Variants in ROCK2 observed in about 807,000 individuals in gnomAD.
ROCK2 encodes the protein Rho associated coiled-coil containing protein kinase 2.
A neutral mutation model predicts 195.1 loss-of-function variants in ROCK2; 61 were observed. The ratio of observed to expected loss-of-function variants is 0.31; its 90% CI spans 0.25 to 0.39. The LOEUF is 0.39. Ranked by LOEUF, ROCK2 falls within the 10% of genes least tolerant of loss-of-function variation. The probability of loss-of-function intolerance (pLI) is 1.00; values close to 1 mark genes in which losing one functional copy is unlikely to be tolerated. For missense variants in ROCK2, 1,109 were observed against 1,637.4 expected (o/e 0.68, Z 5.57); for synonymous variants, 504 against 545.5 (o/e 0.92, Z 1.06).
At chr2:11,221,149 T>C (rs1327925775) in intron 9 of ROCK2, 49 bp downstream of exon 9, 7 of 1,377,228 alleles carry the variant, frequency 5.1e-6, no homozygotes, top group Non-Finnish European at 6.8e-6. Context: ...CATCATCTTA[T>C]AGCTAGATTC....
At chr2:11,287,973 T>C (rs1450359259) in intron 1 of ROCK2, among the ~76,000 whole-genome samples, 1 of 152,196 alleles carries the variant, frequency 6.6e-6, no homozygotes, top group Admixed American at 6.5e-5. Context: ...TGGAAAAATG[T>C]AATTTCAAAA....
At position 11,222,070 on chromosome 2, in the gene ROCK2, T is replaced by A. The variant is rs1213336650; in HGVS notation, c.1099+13A>T. The A allele has an allele frequency of 3.4e-6, 5 of 1,485,212 alleles. No individual in the cohort carries two copies. The highest frequency in any genetic ancestry group is 3.8e-6 in the Non-Finnish European group (4 of 1,064,150). 92.0% of individuals were successfully genotyped at this position (1,485,212 alleles called of 1,614,324 possible). A position where few individuals can be genotyped will look rare whatever the true frequency, so the allele number is the denominator to read the frequency against. ...ATGTGATGGAATGAAAATATTTAGG[T>A]TTATTGACTTACTTTCTCTTATGTT... On this transcript the variant is annotated intron_variant, in intron 8 of 32. Coordinates refer to ENST00000315872, the MANE Select transcript of ROCK2 (RefSeq NM_004850.5).
At chr2:11,317,612 A>ATATATATATATATATATTTTTTTTTTT (rs59701503) in intron 1 of ROCK2, among the ~76,000 whole-genome samples, 1 of 19,312 alleles carries the variant, frequency 5.2e-5, no homozygotes, top group Admixed American at 8.8e-4. Context: ...ATATATATAT[A>ATATATATATATATATATTTTTTTTTTT]TTTTTTTTTT....
chr2:11,211,748 C>T lies in ROCK2; in HGVS notation c.2136G>A (p.Lys712=), dbSNP rs926632144. ...TCTTATTTTTATCTGCTAGTCGTGCCTTTGTGGCCTTATGTTCAGCTTCTT... is the reference window on the plus strand; with the variant it reads ...TCTTATTTTTATCTGCTAGTCGTGCTTTTGTGGCCTTATGTTCAGCTTCTT... The part of the protein sequence containing the change: ...EQEEAEHKAT[K]ARLADKNKIY... The change falls in exon 18 of 33, where the codon AAG becomes AAA. Residue 712 remains lysine (K), a synonymous_variant. Transcript: ENST00000315872. 5.0e-6 allele frequency: 8 copies of T among 1,613,516 alleles called. No homozygotes were observed. In the African/African-American group the frequency reaches 9.4e-5, roughly 19 times the overall value.
At chr2:11,208,963 G>A (rs1664156180) in intron 18 of ROCK2, among the ~76,000 whole-genome samples, 1 of 152,166 alleles carries the variant, frequency 6.6e-6, no homozygotes, top group African/African-American at 2.4e-5. Context: ...GTGTAAAAAT[G>A]TATCACACTC....
At chr2:11,343,974 C>A (rs1434066792) in intron 1 of ROCK2, 22 bp downstream of exon 1, 2 of 1,583,834 alleles carry the variant, frequency 1.3e-6, no homozygotes, top group East Asian at 2.5e-5. Context: ...AACGAGCAAG[C>A]TCCCAGGCCC....
chr2:11,231,602 A>G (rs1665013378), intron 5 of ROCK2, among the ~76,000 whole-genome samples: 1 of 152,206 alleles, frequency 6.6e-6, no homozygotes, highest in Non-Finnish European at 1.5e-5. Context: ...TACACCCAAC[A>G]TAGCAGTAGC....
intron 4 of ROCK2, among the ~76,000 whole-genome samples, chr2:11,239,747 C>G (rs1665357626): frequency 1.3e-5 from 2 of 152,126 alleles, no homozygotes; most frequent in South Asian, 4.1e-4. Flanking sequence ...GTATGAGATC[C>G]CACAAGTGAA....
chr2:11,321,756 C>A lies in ROCK2; in HGVS notation c.141+22240G>T, dbSNP rs1474837822. ...GATCACAAGTTTTCATATACATATT[C>A]ATTCTTTGAAGCATCTTCAGTCTTA... is the stretch of plus-strand genomic sequence containing the variant. On this transcript the variant is annotated intron_variant, in intron 1 of 32. Coordinates refer to ENST00000315872, the MANE Select transcript of ROCK2 (RefSeq NM_004850.5). 2.0e-5 allele frequency among the ~76,000 whole-genome samples: 3 copies of A among 152,018 alleles called. No homozygotes were observed. The East Asian group carries it at 5.8e-4, about 30-fold the overall frequency.
intron 1 of ROCK2, among the ~76,000 whole-genome samples, chr2:11,317,576 T>TTATATATCTATATATA (rs1668237737): frequency 3.4e-4 from 10 of 29,586 alleles, no homozygotes; most frequent in African/African-American, 1.2e-3. Flanking sequence ...ATCTACACAT[T>TTATATATCTATATATA]TATATATATA....
rs368393080 is a variant in ROCK2, at chr2:11,249,873, CTAT to C, written c.325-78_325-76del. On this transcript the variant is annotated intron_variant, in intron 3 of 32. Coordinates refer to ENST00000315872, the MANE Select transcript of ROCK2 (RefSeq NM_004850.5). ...AAGGTAAATAGATGATACTATAATG[CTAT>C]TATTAAAGACTTCAGTTACAAAAAA... 7.5e-6 allele frequency: 9 copies of C among 1,205,730 alleles called. No homozygotes were observed. The East Asian group carries it at 2.5e-4, about 34-fold the overall frequency. 74.7% of individuals were successfully genotyped at this position (1,205,730 alleles called of 1,614,324 possible).
chr2:11,245,547 A>T (rs1367118724), intron 4 of ROCK2, among the ~76,000 whole-genome samples: 1 of 152,204 alleles, frequency 6.6e-6, no homozygotes, highest in Non-Finnish European at 1.5e-5. Context: ...CAAAATGTCA[A>T]ATGTGCATAC....
intron 1 of ROCK2, among the ~76,000 whole-genome samples, chr2:11,324,568 A>G (rs1283403379): frequency 6.6e-6 from 1 of 152,274 alleles, no homozygotes. Context: ...AGTATGGTAC[A>G]TCCAGACAAT....
At chr2:11,227,787 C>G (rs1039521213) in intron 5 of ROCK2, among the ~76,000 whole-genome samples, 1 of 152,044 alleles carries the variant, frequency 6.6e-6, no homozygotes, top group Non-Finnish European at 1.5e-5. Flanking sequence ...AGAAAGGAAG[C>G]TTTCATATTT....
At chr2:11,338,412 C>T (rs1668998614) in intron 1 of ROCK2, among the ~76,000 whole-genome samples, 1 of 151,586 alleles carries the variant, frequency 6.6e-6, no homozygotes, top group African/African-American at 2.4e-5. Context: ...TGAATCCAAC[C>T]ATGGATCAAA....
In ROCK2 at chr2:11,197,689, G is replaced by C; in HGVS notation, c.3116C>G (p.Ala1039Gly). The C allele has an allele frequency of 6.3e-7, 1 of 1,576,744 alleles. No individual in the cohort carries two copies. The highest frequency in any genetic ancestry group is 1.2e-5 in the South Asian group (1 of 81,052). Residue 1039 changes from alanine (A) to glycine (G), a missense_variant, in exon 26 of 33, where the codon GCT becomes GGT. Ala to Gly is a moderately conservative substitution (Grantham distance 60). Coordinates refer to ENST00000315872, the MANE Select transcript of ROCK2 (RefSeq NM_004850.5). This position sits in a 1 kb window ranked among gnomAD's most constrained non-coding sequence, Gnocchi z 4.9. ...AGGTTCTTTTCGATTCATGATCTCA[G>C]CCAACTTATTCACAGCCTTAAAAAA... Reference protein sequence around the residue: ...TLKTQAVNKLAEIMNRKEPVK... With the variant: ...TLKTQAVNKLGEIMNRKEPVK...
chr2:11,279,714 A>G (rs1666937253), intron 3 of ROCK2, among the ~76,000 whole-genome samples: 1 of 152,212 alleles, frequency 6.6e-6, no homozygotes, highest in South Asian at 2.1e-4. Context: ...ACTTTATCCA[A>G]CAACAGCAGA....
intron 1 of ROCK2, among the ~76,000 whole-genome samples, chr2:11,290,209 T>C (rs1367764829): frequency 2.6e-5 from 4 of 152,220 alleles, no homozygotes; most frequent in East Asian, 1.9e-4. Context: ...CAGGACTTGA[T>C]TGAAAGCCCA....
chr2:11,330,619 A>G (rs1212215442), intron 1 of ROCK2, among the ~76,000 whole-genome samples: 1 of 151,970 alleles, frequency 6.6e-6, no homozygotes, highest in African/African-American at 2.4e-5. Flanking sequence ...CGGAGGCTGC[A>G]GTGAGCCGAT....
Sources: allele counts gnomAD v4.1 joint callset (sites outside exome capture counted in the v4.1 genomes callset), GRCh38; gene constraint gnomAD v4.1.1; non-coding constraint Gnocchi (gnomAD v3.1); transcripts MANE v1.5; gene names NCBI Gene and HGNC (gene_info 2026-07-23, HGNC 2026-07-21).